The following CNIH3 variants were observed in gnomAD, a reference collection of about 807,000 sequenced individuals.
CNIH3 encodes the protein protein cornichon homolog 3.
In CNIH3, 14 loss-of-function variants were observed where a neutral mutation model predicts 24.1. That is an observed-to-expected ratio of 0.58 (90% CI 0.38 to 0.91). The LOEUF is 0.91. Among genes scored for constraint, CNIH3 ranks in the 40% least tolerant of loss-of-function variants. The probability of loss-of-function intolerance (pLI) is 0.00; values close to 1 mark genes in which losing one functional copy is unlikely to be tolerated. For missense variants in CNIH3, 178 were observed against 196.8 expected (o/e 0.90, Z 0.57); for synonymous variants, 68 against 73.8 (o/e 0.92, Z 0.40).
chr1:224,635,606 T>C (rs967230151), intron 1 of CNIH3, among the ~76,000 whole-genome samples: 1 of 152,222 alleles, frequency 6.6e-6, no homozygotes, highest in African/African-American at 2.4e-5. Context: ...CGAGCCGGCC[T>C]CGGCCTTGGA....
intron 1 of CNIH3, among the ~76,000 whole-genome samples, chr1:224,675,069 T>A (rs949500606): frequency 6.6e-6 from 1 of 152,176 alleles, no homozygotes; most frequent in Non-Finnish European, 1.5e-5. Context: ...TTTCCACTGC[T>A]TTGCTGCCAA....
chr1:224,705,265 A>C (rs1479856200), intron 3 of CNIH3, among the ~76,000 whole-genome samples: 1 of 152,196 alleles, frequency 6.6e-6, no homozygotes, highest in Non-Finnish European at 1.5e-5. Flanking sequence ...AAAGTTCCCC[A>C]TGTATTTCTA....
At chr1:224,583,657 A>G (rs558836896) in intron 5 of CNIH3, among the ~76,000 whole-genome samples, 32 of 152,312 alleles carry the variant, frequency 2.1e-4, no homozygotes, top group Admixed American at 6.5e-4. Flanking sequence ...ATTTTAAACT[A>G]ACAATGCTGG....
At chr1:224,454,280 C>G in intron 1 of CNIH3, 5 of 486,518 alleles carry the variant, frequency 1.0e-5, no homozygotes, top group Non-Finnish European at 1.3e-5. Flanking sequence ...TTTTTCAGAT[C>G]TCTGCTTCTA....
At chr1:224,506,236 A>T (rs1315502271) in intron 1 of CNIH3, among the ~76,000 whole-genome samples, 1 of 152,150 alleles carries the variant, frequency 6.6e-6, no homozygotes, top group Non-Finnish European at 1.5e-5. Flanking sequence ...GCCTGGGGCC[A>T]CATTCCCATT....
intron 1 of CNIH3, among the ~76,000 whole-genome samples, chr1:224,640,082 A>G (rs1314589312): frequency 6.6e-6 from 1 of 152,204 alleles, no homozygotes; most frequent in African/African-American, 2.4e-5. Flanking sequence ...GGTGCCTTGC[A>G]AATAAATGCC....
At chr1:224,463,781 T>A (rs1350677900) in intron 1 of CNIH3, among the ~76,000 whole-genome samples, 11 of 110,226 alleles carry the variant, frequency 1.0e-4, no homozygotes, top group African/African-American at 3.9e-4. Flanking sequence ...TCATTTTTTT[T>A]TTTTTTTTTT....
chr1:224,688,369 A>G (rs868087434), intron 3 of CNIH3, among the ~76,000 whole-genome samples: 5 of 152,284 alleles, frequency 3.3e-5, no homozygotes, highest in Middle Eastern at 6.8e-3. Flanking sequence ...GGTCCTGGGC[A>G]TGCAGGTCTG....
intron 3 of CNIH3, among the ~76,000 whole-genome samples, chr1:224,723,483 A>G (rs1487894331): frequency 1.3e-5 from 2 of 152,248 alleles, no homozygotes; most frequent in African/African-American, 4.8e-5. Context: ...GGGAGAAACC[A>G]GAGGCCCCAT....
chr1:224,515,173 C>G (rs1030265742), upstream of CNIH3, among the ~76,000 whole-genome samples: 1 of 152,114 alleles, frequency 6.6e-6, no homozygotes, highest in Non-Finnish European at 1.5e-5. Context: ...AGGGTCTGGG[C>G]GGGGGTCTAG....
At chr1:224,435,174 A>G in intron 1 of CNIH3, 1 of 986,222 alleles carries the variant, frequency 1.0e-6, no homozygotes, top group African/African-American at 1.7e-5. Context: ...CACCTTCTCC[A>G]TCAGGTGCAG....
intron 3 of CNIH3, among the ~76,000 whole-genome samples, chr1:224,686,644 C>A (rs981928730): frequency 2.6e-5 from 4 of 152,096 alleles, no homozygotes; most frequent in Admixed American, 6.5e-5. Context: ...CTCCAAGTTG[C>A]CCTTTTTTCT....
intron 5 of CNIH3, among the ~76,000 whole-genome samples, chr1:224,736,095 A>G (rs377003545): frequency 4.3e-4 from 65 of 152,298 alleles, no homozygotes; most frequent in African/African-American, 1.5e-3. Context: ...TGTAAGTAGT[A>G]CATCTTGAGT....
chr1:224,488,900 G>T (rs374966619), intron 1 of CNIH3, among the ~76,000 whole-genome samples: 7 of 152,136 alleles, frequency 4.6e-5, no homozygotes, highest in African/African-American at 7.2e-5. Context: ...TTTCCCAAGC[G>T]CATTTTCCTT....
intron 5 of CNIH3, among the ~76,000 whole-genome samples, chr1:224,585,260 T>A (rs1266293171): frequency 6.6e-6 from 1 of 152,128 alleles, no homozygotes; most frequent in African/African-American, 2.4e-5. Context: ...TGTCTTAACG[T>A]CTCAATGTCT....
intron 5 of CNIH3, among the ~76,000 whole-genome samples, chr1:224,587,916 G>T (rs1250459601): frequency 2.0e-5 from 3 of 151,670 alleles, no homozygotes; most frequent in Admixed American, 2.0e-4. Flanking sequence ...ACTTCAGCCT[G>T]GGTGACAGAG....
chr1:224,475,041 T>C (rs1415752591), intron 1 of CNIH3, among the ~76,000 whole-genome samples: 2 of 113,810 alleles, frequency 1.8e-5, no homozygotes, highest in African/African-American at 3.9e-5. Context: ...GGAGACTCCA[T>C]CTCAAAAAAA....
chr1:224,546,065 T>G (rs1679693649), intron 2 of CNIH3, among the ~76,000 whole-genome samples: 1 of 152,184 alleles, frequency 6.6e-6, no homozygotes, highest in African/African-American at 2.4e-5. Flanking sequence ...GACCTCATTT[T>G]AACTTAATTA....
downstream of CNIH3, among the ~76,000 whole-genome samples, chr1:224,590,050 T>A (rs1681685191): frequency 6.6e-6 from 1 of 152,148 alleles, no homozygotes. Flanking sequence ...CTAATTTTTG[T>A]AATTTTAGTA....
Sources: gnomAD v4.1 joint callset for allele counts (sites outside exome capture counted in the v4.1 genomes callset) on GRCh38, gnomAD v4.1.1 for gene constraint, MANE v1.5 for transcripts, NCBI Gene and HGNC (gene_info 2026-07-23, HGNC 2026-07-21) for gene names.